The following AKAP6 variants were observed in gnomAD, a reference collection of about 807,000 sequenced individuals.
AKAP6 encodes A-kinase anchor protein 6.
AKAP6 carries 58 observed loss-of-function variants against 188.5 expected under a neutral mutation model. The ratio of observed to expected loss-of-function variants is 0.31; its 90% confidence interval spans 0.25 to 0.38. AKAP6 has a LOEUF of 0.38. Among genes scored for constraint, AKAP6 ranks in the 10% least tolerant of loss-of-function variants. The probability of loss-of-function intolerance (pLI) is 1.00; values close to 1 mark genes in which losing one functional copy is unlikely to be tolerated. For synonymous variants in AKAP6, 989 were observed against 998.6 expected, an observed-to-expected ratio of 0.99 and a Z score of 0.18; for missense variants, 2,710 against 2,740.0, an observed-to-expected ratio of 0.99 and a Z score of 0.24.
chr14:32,660,106 G>A (rs1275878640), intron 7 of AKAP6, among the ~76,000 whole-genome samples: 3 of 152,136 alleles, frequency 2.0e-5, no homozygotes, highest in East Asian at 3.9e-4. Context: ...GAAATAAGAC[G>A]TGAATGTGTC....
At chr14:32,519,343 A>G (rs531331035) in intron 2 of AKAP6, among the ~76,000 whole-genome samples, 1 of 151,906 alleles carries the variant, frequency 6.6e-6, no homozygotes, top group South Asian at 2.1e-4. Flanking sequence ...CACACATAAC[A>G]ATATTAACCG....
rs148904941 is a variant in AKAP6 at position 32,682,578 on chromosome 14, G to A, written c.2879+4119G>A. On this transcript the variant is annotated intron_variant, in intron 8 of 13. Transcript: ENST00000280979. ...TGCTGTTTCATAGGACTGAAGAGGA[G>A]GATTGAAGTTAGAGGAGGTGTGGAA... 1.1e-4 allele frequency among the ~76,000 whole-genome samples: 16 copies of A among 152,318 alleles called. No homozygotes were observed. The East Asian group carries it at 3.1e-3, about 29-fold the overall frequency.
At chr14:32,580,171 T>C (rs561984423) in intron 5 of AKAP6, among the ~76,000 whole-genome samples, 4 of 152,160 alleles carry the variant, frequency 2.6e-5, no homozygotes, top group African/African-American at 9.6e-5. Context: ...TATAATACCT[T>C]TATAAGAGAT....
intron 13 of AKAP6, among the ~76,000 whole-genome samples, chr14:32,825,068 A>G (rs1161231112): frequency 6.6e-6 from 1 of 152,158 alleles, no homozygotes; most frequent in African/African-American, 2.4e-5. Flanking sequence ...AAATTTGAGG[A>G]AGTAGTTGAA....
chr14:32,653,933 C>T (rs578032233), intron 7 of AKAP6, among the ~76,000 whole-genome samples: 3 of 152,028 alleles, frequency 2.0e-5, no homozygotes, highest in Non-Finnish European at 2.9e-5. Context: ...TGAGTTTCTG[C>T]GTATTAAAAA....
chr14:32,560,401 G>A (rs528574324), intron 4 of AKAP6, among the ~76,000 whole-genome samples: 1 of 151,740 alleles, frequency 6.6e-6, no homozygotes, highest in East Asian at 1.9e-4. Flanking sequence ...GCCTCAGTTT[G>A]GTTTCTGTAG....
intron 1 of AKAP6, among the ~76,000 whole-genome samples, chr14:32,426,961 C>G (rs962271663): frequency 1.5e-4 from 23 of 152,220 alleles, no homozygotes; most frequent in African/African-American, 5.5e-4. Context: ...AGGAAAGACC[C>G]AGGAGATGGT....
chr14:32,774,602 C>T (rs186031665), intron 12 of AKAP6, among the ~76,000 whole-genome samples: 16 of 152,156 alleles, frequency 1.1e-4, no homozygotes, highest in East Asian at 9.7e-4. Flanking sequence ...TTGTAATATA[C>T]GATGCATATT....
intron 11 of AKAP6, among the ~76,000 whole-genome samples, chr14:32,739,584 T>C (rs2031586859): frequency 6.6e-6 from 1 of 152,054 alleles, no homozygotes; most frequent in Admixed American, 6.6e-5. Flanking sequence ...TCAATTGTTT[T>C]AATTTTTAGA....
At chr14:32,502,309 G>A (rs1880645635) in intron 2 of AKAP6, among the ~76,000 whole-genome samples, 1 of 152,042 alleles carries the variant, frequency 6.6e-6, no homozygotes, top group Non-Finnish European at 1.5e-5. Flanking sequence ...GGAGACTGGT[G>A]GTAAAGAGTG....
At chr14:32,745,997 A>G (rs2031894410) in intron 11 of AKAP6, among the ~76,000 whole-genome samples, 1 of 152,104 alleles carries the variant, frequency 6.6e-6, no homozygotes, top group South Asian at 2.1e-4. Context: ...ATGTTCCCTT[A>G]AGATTCAAGG....
In AKAP6 at chr14:32,430,384, T is replaced by TA. The variant is rs147749309; in HGVS notation, c.-34-3075dup. ...GCTTAGTGCGTGGACTGATGGTATA[T>TA]ATGGAAATGTTGCAGGTTGGGACAT... is the stretch of plus-strand genomic sequence containing the variant. On this transcript the variant is annotated intron_variant, in intron 1 of 13. Transcript: ENST00000280979. Among the ~76,000 whole-genome samples, 1,516 of 152,310 alleles carry TA rather than the reference T, an allele frequency of 1.0e-2. 26 individuals are homozygous for TA. Among genetic ancestry groups the TA allele is most frequent in the East Asian group, 0.077 (396 of 5,172 alleles).
At position 32,824,490 on chromosome 14, in the gene AKAP6, A is replaced by G; in HGVS notation, c.6677A>G (p.Lys2226Arg). ...TCTCAGGAAAGAGCTGAGGTTGGAA[A>G]GGAAGTGAATGGTTTGCCCCAAACT... ...PSSQERAEVG[K>R]EVNGLPQTSS... is the part of the protein sequence containing the mutation. The change falls in exon 13 of 14, where the codon AAG becomes AGG. Residue 2226 changes from lysine (K) to arginine (R), a missense_variant. Around this residue, in one of 2 missense-constraint regions of AKAP6, gnomAD observed 2,473 missense variants for 2,426.1 expected, o/e 1.02. Coordinates refer to ENST00000280979, the MANE Select transcript of AKAP6 (RefSeq NM_004274.5). The G allele has an allele frequency of 6.2e-7, 1 of 1,613,992 alleles. No homozygotes were observed. Among genetic ancestry groups the G allele is most frequent in the Non-Finnish European group, 8.5e-7 (1 of 1,179,964 alleles).
chr14:32,349,827 T>C (rs971798788), intron 1 of AKAP6, among the ~76,000 whole-genome samples: 1 of 152,158 alleles, frequency 6.6e-6, no homozygotes, highest in Non-Finnish European at 1.5e-5. Context: ...GGAAACATTT[T>C]AGATGTGTGT....
At chr14:32,641,083 T>C (rs751013614) in intron 7 of AKAP6, among the ~76,000 whole-genome samples, 25 of 152,210 alleles carry the variant, frequency 1.6e-4, no homozygotes, top group Non-Finnish European at 3.2e-4. Flanking sequence ...AGATTACTGC[T>C]CTTCTACTCT....
intron 2 of AKAP6, among the ~76,000 whole-genome samples, chr14:32,478,128 C>G (rs1205344149): frequency 6.6e-6 from 1 of 152,128 alleles, no homozygotes; most frequent in Non-Finnish European, 1.5e-5. Context: ...CTTGAAGATT[C>G]AGAGCAAAGG....
intron 13 of AKAP6, among the ~76,000 whole-genome samples, chr14:32,826,325 A>G (rs1266781750): frequency 6.6e-6 from 1 of 152,204 alleles, no homozygotes; most frequent in Non-Finnish European, 1.5e-5. Flanking sequence ...AGAGAGAGAA[A>G]TGTATTTTCT....
chr14:32,598,650 A>C (rs547116084), intron 5 of AKAP6, among the ~76,000 whole-genome samples: 1 of 152,304 alleles, frequency 6.6e-6, no homozygotes, highest in African/African-American at 2.4e-5. Context: ...AGTAAGATAA[A>C]TTTTACAATA....
At position 32,433,516 on chromosome 14, in the gene AKAP6, T is replaced by A; in HGVS notation, c.23T>A (p.Leu8His). 1 of 1,614,110 alleles carries A rather than the reference T, an allele frequency of 6.2e-7. No homozygotes were observed. Among genetic ancestry groups the A allele is most frequent in the Non-Finnish European group, 8.5e-7 (1 of 1,180,002 alleles). MLTMSVT[L>H]SPLRSQDLDP... ...TCCATGTTAACCATGAGCGTGACAC[T>A]TTCCCCCCTGAGGTCACAGGACCTG... is the stretch of plus-strand genomic sequence containing the variant. The change falls in exon 2 of 14, where the codon CTT becomes CAT. Residue 8 changes from leucine (L) to histidine (H), a missense_variant. Transcript: ENST00000280979.
Sources: allele counts gnomAD v4.1 joint callset (sites outside exome capture counted in the v4.1 genomes callset), GRCh38; gene constraint gnomAD v4.1.1; regional missense constraint gnomAD v4.1.1; transcripts MANE v1.5; gene names NCBI Gene and HGNC (gene_info 2026-07-23, HGNC 2026-07-21).